Variants in GRID2 observed in about 807,000 individuals in gnomAD.
GRID2 encodes the protein glutamate receptor ionotropic, delta-2.
A neutral mutation model predicts 114.8 loss-of-function variants in GRID2; 33 were observed. The ratio of observed to expected loss-of-function variants is 0.29; its 90% CI spans 0.22 to 0.38. GRID2 has a LOEUF of 0.38. Among genes scored for constraint, GRID2 ranks in the 10% least tolerant of loss-of-function variants. The probability of loss-of-function intolerance (pLI) is 1.00; values close to 1 mark genes in which losing one functional copy is unlikely to be tolerated. For missense variants in GRID2, 1,184 were observed against 1,257.7 expected (o/e 0.94, Z 0.89); for synonymous variants, 505 against 449.9 (o/e 1.12, Z -1.55).
intron 2 of GRID2, among the ~76,000 whole-genome samples, chr4:92,941,826 A>G (rs1025025592): frequency 1.1e-4 from 16 of 152,002 alleles, no homozygotes; most frequent in Non-Finnish European, 2.9e-5. Flanking sequence ...TTTTTTGTGT[A>G]CCCAGTAGTC....
intron 13 of GRID2, among the ~76,000 whole-genome samples, chr4:93,602,345 G>T (rs61261205): frequency 0.033 from 4,985 of 152,236 alleles, 265 homozygotes; most frequent in African/African-American, 0.11. Flanking sequence ...TGCTTTTGAT[G>T]CATGAGTGTA....
chr4:92,363,280 T>C (rs1728700638), intron 1 of GRID2, among the ~76,000 whole-genome samples: 1 of 152,090 alleles, frequency 6.6e-6, no homozygotes, highest in South Asian at 2.1e-4. Context: ...TGGAAGTCTT[T>C]TAAACAATAT....
chr4:93,370,508 C>T (rs1762786230), intron 8 of GRID2, among the ~76,000 whole-genome samples: 1 of 151,490 alleles, frequency 6.6e-6, no homozygotes, highest in Non-Finnish European at 1.5e-5. Flanking sequence ...CACACACACG[C>T]ACACACAGTT....
chr4:93,266,028 A>G (rs1266041853), intron 8 of GRID2, among the ~76,000 whole-genome samples: 1 of 152,134 alleles, frequency 6.6e-6, no homozygotes, highest in Non-Finnish European at 1.5e-5. Context: ...AACTGACTCT[A>G]ATAGGACACT....
chr4:93,365,295 A>G (rs1334883853), intron 8 of GRID2, among the ~76,000 whole-genome samples: 1 of 152,180 alleles, frequency 6.6e-6, no homozygotes, highest in Non-Finnish European at 1.5e-5. Flanking sequence ...AAGAAAGTGA[A>G]GCATCTTTTG....
chr4:92,491,859 T>C (rs1480640131), intron 1 of GRID2, among the ~76,000 whole-genome samples: 1 of 152,196 alleles, frequency 6.6e-6, no homozygotes, highest in Non-Finnish European at 1.5e-5. Flanking sequence ...TATAGAGTAC[T>C]TTTTGGAGAT....
intron 1 of GRID2, among the ~76,000 whole-genome samples, chr4:92,515,714 T>C (rs887919857): frequency 1.3e-5 from 2 of 151,970 alleles, no homozygotes; most frequent in African/African-American, 4.8e-5. Context: ...TTGTTATTTA[T>C]GTGATATTTA....
At chr4:92,954,625 A>G (rs1752259798) in intron 2 of GRID2, among the ~76,000 whole-genome samples, 1 of 146,798 alleles carries the variant, frequency 6.8e-6, no homozygotes. Context: ...TTTTTTTATT[A>G]TTATTATACT....
chr4:93,797,842 G>GAAAAA (rs10536515), intron 1 of GRID2, among the ~76,000 whole-genome samples: 1 of 128,088 alleles, frequency 7.8e-6, no homozygotes. Context: ...TCCCCAGGAT[G>GAAAAA]AAAAAAAAAA....
chr4:93,023,183 A>G (rs1723559475), intron 2 of GRID2, among the ~76,000 whole-genome samples: 3 of 150,994 alleles, frequency 2.0e-5, no homozygotes, highest in African/African-American at 7.3e-5. Flanking sequence ...GATAATAACT[A>G]TTAGTTAATG....
chr4:92,746,125 A>G (rs1173799660), intron 2 of GRID2, among the ~76,000 whole-genome samples: 2 of 152,060 alleles, frequency 1.3e-5, no homozygotes, highest in Non-Finnish European at 2.9e-5. Flanking sequence ...ACTTCAAAAT[A>G]TTTGTGCTGT....
chr4:93,036,004 C>T (rs912086540), intron 2 of GRID2, among the ~76,000 whole-genome samples: 9 of 152,138 alleles, frequency 5.9e-5, no homozygotes, highest in African/African-American at 2.2e-4. Context: ...GACCAGGAAG[C>T]TTTTAAAAGT....
At chr4:92,762,435 T>A (rs1236024150) in intron 2 of GRID2, among the ~76,000 whole-genome samples, 1 of 135,886 alleles carries the variant, frequency 7.4e-6, no homozygotes, top group Non-Finnish European at 1.6e-5. Flanking sequence ...TAATTCAATT[T>A]CCTTGCTAAA....
chr4:93,091,616 G>T (rs1362900102), intron 3 of GRID2, among the ~76,000 whole-genome samples: 1 of 152,072 alleles, frequency 6.6e-6, no homozygotes, highest in African/African-American at 2.4e-5. Flanking sequence ...TAATAACTGT[G>T]ATGTCATCTT....
At chr4:93,018,060 G>A (rs1722934689) in intron 2 of GRID2, among the ~76,000 whole-genome samples, 1 of 151,548 alleles carries the variant, frequency 6.6e-6, no homozygotes, top group African/African-American at 2.4e-5. Flanking sequence ...ATGTCCTACA[G>A]TTTTTCACTG....
intron 8 of GRID2, among the ~76,000 whole-genome samples, chr4:93,347,060 G>T (rs1392786391): frequency 6.6e-6 from 1 of 151,960 alleles, no homozygotes; most frequent in Non-Finnish European, 1.5e-5. Flanking sequence ...CTGCGGCGCG[G>T]AGCTCCCTGG....
intron 2 of GRID2, among the ~76,000 whole-genome samples, chr4:93,069,565 G>A (rs1413407089): frequency 6.6e-6 from 1 of 151,982 alleles, no homozygotes; most frequent in Non-Finnish European, 1.5e-5. Context: ...AGTATGTAAA[G>A]CCGCTTTGAA....
At chr4:93,696,378 C>T (rs1727022143) in intron 14 of GRID2, among the ~76,000 whole-genome samples, 1 of 152,172 alleles carries the variant, frequency 6.6e-6, no homozygotes, top group African/African-American at 2.4e-5. Context: ...TAAAACTTAT[C>T]TCTGCAAAAA....
At chr4:93,256,702 A>G (rs2149540566) in intron 8 of GRID2, among the ~76,000 whole-genome samples, 1 of 152,116 alleles carries the variant, frequency 6.6e-6, no homozygotes, top group East Asian at 1.9e-4. Context: ...GACATCATCC[A>G]CTTGAGAAAA....
Sources: allele counts gnomAD v4.1 joint callset (sites outside exome capture counted in the v4.1 genomes callset), GRCh38; gene constraint gnomAD v4.1.1; transcripts MANE v1.5; gene names NCBI Gene and HGNC (gene_info 2026-07-23, HGNC 2026-07-21).